RLF: variants seen among roughly 807,000 people sequenced by gnomAD.
RLF encodes zinc finger protein Rlf.
A neutral mutation model predicts 162.9 loss-of-function variants in RLF; 7 were observed. The ratio of observed to expected loss-of-function variants is 0.04; its 90% CI spans 0.02 to 0.08. The LOEUF (loss-of-function observed/expected upper bound fraction) is 0.08, where lower values mean the gene tolerates loss of function less well. RLF is among the 10% of genes least tolerant of loss of function. RLF has a pLI of 1.00. For missense variants in RLF, 1,664 were observed against 2,244.7 expected (o/e 0.74, Z 5.23); for synonymous variants, 782 against 791.5 (o/e 0.99, Z 0.20).
chr1:40,192,574 G>C (rs1269131177), intron 3 of RLF, among the ~76,000 whole-genome samples: 1 of 152,052 alleles, frequency 6.6e-6, no homozygotes, highest in Non-Finnish European at 1.5e-5. Context: ...TTCTTAGCTT[G>C]CTTGAATAAA....
intron 5 of RLF, among the ~76,000 whole-genome samples, chr1:40,212,494 T>C (rs1306295134): frequency 6.6e-6 from 1 of 152,238 alleles, no homozygotes; most frequent in East Asian, 1.9e-4. Flanking sequence ...GGATGTTTCC[T>C]ATATTTTTTC....
chr1:40,238,625 A>C lies in RLF; in HGVS notation c.3923A>C (p.Lys1308Thr). The C allele has an allele frequency of 6.2e-7, 1 of 1,613,686 alleles. No homozygotes were observed. Among genetic ancestry groups the C allele is most frequent in the Non-Finnish European group, 8.5e-7 (1 of 1,179,920 alleles). ...NLCYILNKYH[K>T]PFHCIHKTCN... ...TGTTATATTTTGAATAAATACCACA[A>C]ACCATTCCATTGTATTCATAAAACT... The change falls in exon 8 of 8, where the codon AAA (lysine) becomes ACA (threonine). Residue 1308 changes from lysine (K) to threonine (T), a missense_variant. Transcript: ENST00000372771. The surrounding 1 kb of genome is among the most constrained non-coding windows in gnomAD (Gnocchi z 5.2).
intron 1 of RLF, among the ~76,000 whole-genome samples, chr1:40,185,843 C>CAAAAAAAAAAAAAAAAA (rs33982008): frequency 2.2e-4 from 15 of 67,546 alleles, no homozygotes; most frequent in Admixed American, 4.7e-4. Context: ...AAAAAAAAAG[C>CAAAAAAAAAAAAAAAAA]AAAAAAAAAA....
At chr1:40,170,541 C>A (rs1248768789) in intron 1 of RLF, among the ~76,000 whole-genome samples, 1 of 152,174 alleles carries the variant, frequency 6.6e-6, no homozygotes, top group Non-Finnish European at 1.5e-5. Flanking sequence ...TGCCAACTTG[C>A]CCGGCCTCCT....
intron 4 of RLF, among the ~76,000 whole-genome samples, chr1:40,196,003 A>G (rs1229282965): frequency 1.3e-5 from 2 of 152,030 alleles, no homozygotes; most frequent in African/African-American, 4.8e-5. Flanking sequence ...TGTTCATACA[A>G]AGTTCCTGAG....
In RLF at chr1:40,161,432, C is replaced by T. The variant is rs778085294; in HGVS notation, c.33C>T (p.Val11=). The change falls in exon 1 of 8, where the codon GTC becomes GTT. Residue 11 remains valine (V), a synonymous_variant. Transcript: ENST00000372771. The surrounding 1 kb of genome is among the most constrained non-coding windows in gnomAD (Gnocchi z 4.4). ...ACGGAAAGGGAGACGCCGCCGCTGT[C>T]GCCGGGGCTGGGGCTGAGGCTCCGG... is the stretch of plus-strand genomic sequence containing the variant. The part of the protein sequence containing the change: MADGKGDAAA[V]AGAGAEAPAV... The T allele has an allele frequency of 5.7e-5, 89 of 1,557,432 alleles. No homozygotes were observed. The highest frequency in any genetic ancestry group is 7.1e-5 in the Non-Finnish European group (82 of 1,157,026).
intron 5 of RLF, among the ~76,000 whole-genome samples, chr1:40,210,330 A>G (rs1642849975): frequency 2.0e-5 from 3 of 152,198 alleles, no homozygotes; most frequent in Admixed American, 2.0e-4. Flanking sequence ...GTTTATAGAA[A>G]AATTGATCCT....
At chr1:40,208,118 G>A (rs553574683) in intron 5 of RLF, among the ~76,000 whole-genome samples, 20 of 152,316 alleles carry the variant, frequency 1.3e-4, no homozygotes, top group Non-Finnish European at 2.2e-4. Context: ...CCTGGTCTTT[G>A]AGATTTAGTA....
At chr1:40,193,111 G>A (rs1362391839) in intron 3 of RLF, among the ~76,000 whole-genome samples, 2 of 144,036 alleles carry the variant, frequency 1.4e-5, no homozygotes, top group African/African-American at 2.6e-5. Context: ...TGAAAAGGGC[G>A]GCAGAGTGGT....
intron 5 of RLF, among the ~76,000 whole-genome samples, chr1:40,216,621 A>G (rs762699101): frequency 1.1e-4 from 17 of 152,234 alleles, no homozygotes; most frequent in Non-Finnish European, 2.2e-4. Flanking sequence ...CTCACTGTAC[A>G]AAACATTTAC....
chr1:40,225,498 G>C (rs1424231222), intron 6 of RLF, among the ~76,000 whole-genome samples: 1 of 150,068 alleles, frequency 6.7e-6, no homozygotes, highest in East Asian at 2.0e-4. Flanking sequence ...AGAATTGCTA[G>C]ACCCCTGGAG....
chr1:40,233,960 T>G (rs1470517478), intron 7 of RLF, among the ~76,000 whole-genome samples: 2 of 152,186 alleles, frequency 1.3e-5, no homozygotes, highest in Non-Finnish European at 2.9e-5. Flanking sequence ...AATATCTTCT[T>G]TTTTTTGAGA....
In RLF at chr1:40,231,616, G is replaced by T; in HGVS notation, c.1047G>T (p.Thr349=). 6.2e-7 allele frequency: 1 copy of T among 1,613,796 alleles called. No individual in the cohort carries two copies. ...GTCAGTTTGGTGTCATAGCTAAAAC[G>T]CAGCAGCATTTATTTTGCCTCATTA... ...RCRQFGVIAK[T]QQHLFCLIRV... The change falls in exon 7 of 8, where the codon ACG becomes ACT. Residue 349 remains threonine (T), a synonymous_variant. Transcript: ENST00000372771.
intron 2 of RLF, among the ~76,000 whole-genome samples, chr1:40,189,828 A>G (rs139799682): frequency 5.9e-4 from 90 of 152,158 alleles, no homozygotes; most frequent in African/African-American, 2.1e-3. Context: ...AACGTGATTT[A>G]GCTGTTATTT....
At chr1:40,167,118 G>A (rs1475251625) in intron 1 of RLF, among the ~76,000 whole-genome samples, 1 of 152,138 alleles carries the variant, frequency 6.6e-6, no homozygotes, top group African/African-American at 2.4e-5. Flanking sequence ...ACATTTACAC[G>A]TGTGCAGTGA....
At chr1:40,195,153 A>G (rs945920211) in intron 3 of RLF, among the ~76,000 whole-genome samples, 2 of 151,274 alleles carry the variant, frequency 1.3e-5, no homozygotes, top group African/African-American at 2.4e-5. Flanking sequence ...GTTTTTTTCT[A>G]AAAACAGCAA....
At chr1:40,188,112 A>G (rs556719684) in intron 1 of RLF, among the ~76,000 whole-genome samples, 16 of 152,310 alleles carry the variant, frequency 1.1e-4, no homozygotes, top group Non-Finnish European at 1.9e-4. Context: ...AGATATACCA[A>G]TTAAGAATAG....
intron 3 of RLF, among the ~76,000 whole-genome samples, chr1:40,194,027 A>C (rs1202226541): frequency 6.6e-6 from 1 of 152,228 alleles, no homozygotes; most frequent in African/African-American, 2.4e-5. Context: ...AATAATACTC[A>C]GTAGTAATAG....
chr1:40,181,386 C>T (rs1041475820), intron 1 of RLF, among the ~76,000 whole-genome samples: 1 of 152,100 alleles, frequency 6.6e-6, no homozygotes, highest in African/African-American at 2.4e-5. Flanking sequence ...GCCGAGATGG[C>T]ACCACCGCAC....
Sources: allele counts gnomAD v4.1 joint callset (sites outside exome capture counted in the v4.1 genomes callset), GRCh38; gene constraint gnomAD v4.1.1; non-coding constraint Gnocchi (gnomAD v3.1); transcripts MANE v1.5; gene names NCBI Gene and HGNC (gene_info 2026-07-23, HGNC 2026-07-21).